TANC2: variants seen among roughly 807,000 people sequenced by gnomAD.
TANC2 encodes protein TANC2.
Under a neutral mutation model 210.5 loss-of-function variants are expected in TANC2, and 26 were observed. That is an observed-to-expected ratio of 0.12 (90% CI 0.09 to 0.17). The LOEUF (loss-of-function observed/expected upper bound fraction) is 0.17, where lower values mean the gene tolerates loss of function less well. Ranked by LOEUF, TANC2 falls within the 10% of genes least tolerant of loss-of-function variation. The probability of loss-of-function intolerance (pLI) is 1.00; values close to 1 mark genes in which losing one functional copy is unlikely to be tolerated. For synonymous variants in TANC2, 931 were observed against 967.1 expected, an observed-to-expected ratio of 0.96 and a Z score of 0.69; for missense variants, 2,129 against 2,608.9, an observed-to-expected ratio of 0.82 and a Z score of 4.01.
intron 5 of TANC2, among the ~76,000 whole-genome samples, chr17:63,161,148 G>T (rs957196517): frequency 1.3e-5 from 2 of 152,098 alleles, no homozygotes; most frequent in African/African-American, 4.8e-5. Context: ...TAACCATTGT[G>T]AAATAAAATG....
chr17:63,319,120 G>T, intron 11 of TANC2, 30 bp downstream of exon 11: 1 of 1,589,026 alleles, frequency 6.3e-7, no homozygotes, highest in East Asian at 2.3e-5. Flanking sequence ...TTGGGGATAT[G>T]GTAGTTCCAT....
At position 63,205,862 on chromosome 17, in the gene TANC2, C is replaced by G. The variant is rs140637013; in HGVS notation, c.769+4905C>G. ...AGCAGAGGTGGCAGTGAGCTGAGAT[C>G]ACACCACTGCACTCCAACCTGAGTG... On this transcript the variant is annotated intron_variant, in intron 7 of 27. Coordinates refer to ENST00000689528, the Ensembl canonical transcript of TANC2. Among the ~76,000 whole-genome samples the G allele has an allele frequency of 3.1e-3, 478 of 152,140 alleles. 4 individuals are homozygous for G. The highest frequency in any genetic ancestry group is 0.011 in the African/African-American group (436 of 41,494).
chr17:63,121,218 A>G (rs1001388309), intron 4 of TANC2, among the ~76,000 whole-genome samples: 1 of 152,152 alleles, frequency 6.6e-6, no homozygotes, highest in Non-Finnish European at 1.5e-5. Flanking sequence ...TGTGTTTTTT[A>G]TCACTCCAAC....
chr17:63,349,118 C>CA (rs969122687), intron 12 of TANC2, among the ~76,000 whole-genome samples: 16 of 148,012 alleles, frequency 1.1e-4, no homozygotes, highest in African/African-American at 2.5e-4. Context: ...CAGGAAATCT[C>CA]AAAAAAAAAT....
intron 5 of TANC2, among the ~76,000 whole-genome samples, chr17:63,174,690 TAGC>T (rs1332671496): frequency 6.6e-6 from 1 of 152,202 alleles, no homozygotes; most frequent in African/African-American, 2.4e-5. Context: ...GTTTGTATGT[TAGC>T]AGAGCAATAT....
At chr17:63,222,117 A>G (rs2042208836) in intron 7 of TANC2, among the ~76,000 whole-genome samples, 1 of 152,206 alleles carries the variant, frequency 6.6e-6, no homozygotes, top group Non-Finnish European at 1.5e-5. Flanking sequence ...GTGAAGGCCA[A>G]CTTCCTGTTT....
At chr17:63,351,118 C>T in intron 12 of TANC2, 132 bp from the exon 13 acceptor site, 5 of 789,190 alleles carry the variant, frequency 6.3e-6, no homozygotes, top group South Asian at 2.0e-5. Context: ...AATTATGTAC[C>T]CTGAGCATTC....
At chr17:63,314,991 T>C (rs887933216) in intron 10 of TANC2, among the ~76,000 whole-genome samples, 4 of 152,204 alleles carry the variant, frequency 2.6e-5, no homozygotes, top group African/African-American at 9.6e-5. Flanking sequence ...TTCATCACTG[T>C]TGGATTTTGC....
chr17:63,004,475 A>G (rs2033523064), intron 1 of TANC2, among the ~76,000 whole-genome samples: 1 of 152,144 alleles, frequency 6.6e-6, no homozygotes, highest in Admixed American at 6.5e-5. Context: ...TCTTAAAACT[A>G]GAAGGGAAAA....
At chr17:63,181,455 G>A (rs555589208) in intron 5 of TANC2, among the ~76,000 whole-genome samples, 77 of 152,204 alleles carry the variant, frequency 5.1e-4, no homozygotes, top group Non-Finnish European at 5.3e-4. Flanking sequence ...CCATGAACCA[G>A]GTGAGGAAGG....
chr17:63,356,163 ATC>A (rs1253220968), intron 14 of TANC2, among the ~76,000 whole-genome samples: 1 of 152,122 alleles, frequency 6.6e-6, no homozygotes, highest in Non-Finnish European at 1.5e-5. Flanking sequence ...TGACTTGAGA[ATC>A]TTTCTCAACT....
exon 14 of TANC2, chr17:63,355,364 G>A: frequency 1.9e-6 from 3 of 1,589,896 alleles, no homozygotes; most frequent in East Asian, 4.5e-5. Flanking sequence ...AAGAAGGAGA[G>A]AAAACCAAAT....
At chr17:63,102,809 C>A (rs2037679251) in intron 4 of TANC2, among the ~76,000 whole-genome samples, 1 of 152,088 alleles carries the variant, frequency 6.6e-6, no homozygotes, top group Non-Finnish European at 1.5e-5. Context: ...CTTGTGCAGT[C>A]AGCCCTCTGA....
At chr17:63,297,904 G>C (rs962758110) in intron 9 of TANC2, among the ~76,000 whole-genome samples, 1 of 151,972 alleles carries the variant, frequency 6.6e-6, no homozygotes, top group Non-Finnish European at 1.5e-5. Flanking sequence ...TAAATGACTT[G>C]AATAGACATT....
intron 3 of TANC2, chr17:63,089,014 A>C (rs975411039): frequency 6.6e-6 from 1 of 152,164 alleles, no homozygotes; most frequent in African/African-American, 2.4e-5. Context: ...CTCTGTTTGC[A>C]TCTCACTGAT....
intron 3 of TANC2, among the ~76,000 whole-genome samples, chr17:63,089,682 C>A (rs1050351051): frequency 6.6e-6 from 1 of 152,048 alleles, no homozygotes; most frequent in African/African-American, 2.4e-5. Flanking sequence ...TGGTATAAAT[C>A]TTTGCATGAA....
chr17:63,382,709 C>T (rs2047651542), intron 15 of TANC2, among the ~76,000 whole-genome samples: 1 of 152,170 alleles, frequency 6.6e-6, no homozygotes, highest in Non-Finnish European at 1.5e-5. Flanking sequence ...TTAGAGATAA[C>T]TCCTATTCTA....
intron 4 of TANC2, among the ~76,000 whole-genome samples, chr17:63,145,739 C>G (rs554371539): frequency 6.6e-6 from 1 of 152,234 alleles, no homozygotes; most frequent in Non-Finnish European, 1.5e-5. Flanking sequence ...CCAGCCTTTT[C>G]TATTCCATTG....
intron 7 of TANC2, among the ~76,000 whole-genome samples, chr17:63,223,735 G>GGA (rs2042256414): frequency 6.6e-6 from 1 of 152,046 alleles, no homozygotes; most frequent in Non-Finnish European, 1.5e-5. Flanking sequence ...GCAGTGGAGT[G>GGA]TCTTTAATAA....
Sources: allele counts gnomAD v4.1 joint callset (sites outside exome capture counted in the v4.1 genomes callset), GRCh38; gene constraint gnomAD v4.1.1; transcripts MANE v1.5; gene names NCBI Gene and HGNC (gene_info 2026-07-23, HGNC 2026-07-21).